LARS1: variants seen among roughly 807,000 people sequenced by gnomAD.
LARS1 encodes the protein leucyl-tRNA synthetase 1, also known as leucine--tRNA ligase, cytoplasmic.
In LARS1, 100 loss-of-function variants were observed where a neutral mutation model predicts 162.8. That is an observed-to-expected ratio of 0.61 (90% CI 0.52 to 0.73). LARS1 has a LOEUF of 0.73. Ranked by LOEUF, LARS1 falls within the 30% of genes least tolerant of loss-of-function variation. LARS1 has a pLI of 0.00. For missense variants in LARS1, 1,258 were observed against 1,408.9 expected (o/e 0.89, Z 1.71); for synonymous variants, 457 against 462.8 (o/e 0.99, Z 0.16).
intron 6 of LARS1, 101 bp downstream of exon 6, chr5:146,164,209 A>G: frequency 8.2e-7 from 1 of 1,222,042 alleles, no homozygotes; most frequent in Middle Eastern, 2.9e-4. Context: ...CAAATCTTCA[A>G]TTGTAAAAAA....
Position 146,144,635 on chromosome 5 carries a change from C to G in LARS1, c.1578G>C (p.Leu526=). 5 of 1,614,082 alleles carry G rather than the reference C, an allele frequency of 3.1e-6. No homozygotes were observed. Among genetic ancestry groups the G allele is most frequent in the Non-Finnish European group, 4.2e-6 (5 of 1,180,008 alleles). Residue 526 remains leucine, a synonymous_variant, in exon 16 of 32, where the codon CTG becomes CTC. Transcript: ENST00000394434. ...TATAAGAGACTAACCACTGGTCACA[C>G]AGAGCCACAACACATTCATCTGACG... is the stretch of plus-strand genomic sequence containing the variant. ...SRSSDECVVA[L]CDQWYLDYGE...
intron 17 of LARS1, 61 bp from the exon 18 acceptor site, chr5:146,144,410 A>C: frequency 6.3e-7 from 1 of 1,598,320 alleles, no homozygotes; most frequent in Non-Finnish European, 8.5e-7. Flanking sequence ...TTGCATTTCA[A>C]CTTTACTGTT....
rs1251961690 is a variant in LARS1, at chr5:146,114,216, T to C, written c.3421A>G (p.Ile1141Val). ...LGKEYTEKTP[I>V]SEHAVFNVDL... ...ACATTGAAAACAGCATGCTCAGAAA[T>C]GGGGGTCTTCTCGGTGTACTCCTTT... Residue 1141 changes from isoleucine to valine, a missense_variant, in exon 32 of 32, where the codon ATT (isoleucine) becomes GTT (valine). Ile to Val is a conservative substitution (Grantham distance 29). Coordinates refer to ENST00000394434, the MANE Select transcript of LARS1 (RefSeq NM_020117.11). The C allele has an allele frequency of 6.2e-7, 1 of 1,613,800 alleles. No homozygotes were observed. The highest frequency in any genetic ancestry group is 2.2e-5 in the East Asian group (1 of 44,868).
At position 146,182,581 on chromosome 5, in the gene LARS1, G is replaced by A. The variant is rs1754922406; in HGVS notation, c.-88C>T. The A allele has an allele frequency of 1.2e-5, 18 of 1,559,524 alleles. No individual in the cohort carries two copies. The highest frequency in any genetic ancestry group is 1.6e-5 in the Non-Finnish European group (18 of 1,130,446). On this transcript the variant is annotated 5_prime_UTR_variant, in exon 1 of 32. Transcript: ENST00000394434. ...GGTTACCTTTCCCCTCCCTCTCGGG[G>A]ATGCCAGGCCTCCCACGAAACTAAA...
chr5:146,181,974 T>C lies in LARS1; in HGVS notation c.6+514A>G, dbSNP rs538899738. ...TTTTATTTTTAAGACGGAGTCTCAC[T>C]CTGTCGCCCAGGCTGGAGTGCAGTG... On this transcript the variant is annotated intron_variant, in intron 1 of 31. Coordinates refer to ENST00000394434, the MANE Select transcript of LARS1 (RefSeq NM_020117.11). Among the ~76,000 whole-genome samples the C allele has an allele frequency of 3.4e-5, 5 of 148,672 alleles. No individual in the cohort carries two copies. In the South Asian group the frequency reaches 1.1e-3, roughly 33 times the overall value.
intron 1 of LARS1, among the ~76,000 whole-genome samples, chr5:146,180,698 G>GT (rs1349556037): frequency 2.0e-5 from 3 of 152,106 alleles, no homozygotes; most frequent in Non-Finnish European, 4.4e-5. Context: ...AAACCTCAAA[G>GT]ATCAAGTATA....
chr5:146,138,792 C>T, intron 21 of LARS1: 1 of 169,242 alleles, frequency 5.9e-6, no homozygotes. Flanking sequence ...CAAGATGAAA[C>T]AGAATTCTAT....
intron 15 of LARS1, among the ~76,000 whole-genome samples, chr5:146,147,882 C>G (rs1753088515): frequency 6.6e-6 from 1 of 152,108 alleles, no homozygotes; most frequent in Admixed American, 6.5e-5. Context: ...CATGAAATTT[C>G]AGGATACTGG....
At chr5:146,143,348 C>A in intron 19 of LARS1, 64 bp downstream of exon 19, 2 of 1,524,846 alleles carry the variant, frequency 1.3e-6, no homozygotes, top group South Asian at 1.3e-5. Context: ...CATTTAAATA[C>A]ATAAATCAAA....
rs759866385 is a variant in LARS1 at position 146,126,455 on chromosome 5, G to A, written c.2971C>T (p.Pro991Ser). The change falls in exon 28 of 32, where the codon CCA (proline) becomes TCA (serine). Residue 991 changes from proline to serine, a missense_variant. Physicochemically the swap from Pro to Ser is moderately conservative, Grantham distance 74. Coordinates refer to ENST00000394434, the MANE Select transcript of LARS1 (RefSeq NM_020117.11). ...ELKKYMKKVMPFVAMIKENLE... is the reference protein window; with the variant it reads ...ELKKYMKKVMSFVAMIKENLE... ...CTTACCTTAATCATGGCAACAAATG[G>A]CATGACTTTCTTCATGTATTTCTTC... The A allele has an allele frequency of 1.2e-6, 2 of 1,608,894 alleles. No individual in the cohort carries two copies. The highest frequency in any genetic ancestry group is 1.1e-5 in the South Asian group (1 of 90,926).
chr5:146,161,678 G>A (rs967045908), intron 6 of LARS1, among the ~76,000 whole-genome samples: 5 of 151,660 alleles, frequency 3.3e-5, no homozygotes, highest in East Asian at 1.9e-4. Flanking sequence ...ACTTGAACCC[G>A]GGAGGCGGAG....
chr5:146,153,844 A>G (rs1561819006), intron 11 of LARS1, 34 bp from the exon 12 acceptor site: 1 of 1,610,806 alleles, frequency 6.2e-7, no homozygotes. Context: ...AATAACTAGA[A>G]CCAAAATGTG....
At position 146,179,328 on chromosome 5, in the gene LARS1, AT is replaced by A. The variant is rs1330019908; in HGVS notation, c.7-1664del. 8.6e-3 allele frequency among the ~76,000 whole-genome samples: 1,302 copies of A among 151,988 alleles called. 22 individuals are homozygous for A. The highest frequency in any genetic ancestry group is 0.03 in the African/African-American group (1,242 of 41,488). Reference sequence around the variant, plus strand: ...AGGTGCGTGCCACCATACCTGGCTAATTTTTGTATTTTTAGTAGAGACGAGG... The same window carrying A: ...AGGTGCGTGCCACCATACCTGGCTAATTTTGTATTTTTAGTAGAGACGAGG... On this transcript the variant is annotated intron_variant, in intron 1 of 31. Transcript: ENST00000394434.
At chr5:146,129,935 C>G in intron 25 of LARS1, 83 bp downstream of exon 25, 3 of 1,393,308 alleles carry the variant, frequency 2.2e-6, no homozygotes, top group Non-Finnish European at 3.0e-6. Context: ...GACTTTCTCT[C>G]TTAAGTAACA....
intron 31 of LARS1, among the ~76,000 whole-genome samples, chr5:146,118,221 T>G (rs550581433): frequency 6.6e-6 from 1 of 152,266 alleles, no homozygotes; most frequent in East Asian, 1.9e-4. Flanking sequence ...ACAACATGGA[T>G]GAGGCTGGAA....
At chr5:146,133,737 T>C (rs2126437632) in intron 22 of LARS1, among the ~76,000 whole-genome samples, 1 of 152,026 alleles carries the variant, frequency 6.6e-6, no homozygotes, top group South Asian at 2.1e-4. Flanking sequence ...TGTAGTTATT[T>C]CCGTCTTTAG....
intron 31 of LARS1, 118 bp downstream of exon 31, chr5:146,120,253 T>A: frequency 9.1e-7 from 1 of 1,101,238 alleles, no homozygotes; most frequent in East Asian, 2.4e-5. Context: ...CCAGTACTTT[T>A]TCCATAATAA....
At chr5:146,136,433 C>T (rs116491453) in intron 21 of LARS1, among the ~76,000 whole-genome samples, 3,289 of 151,602 alleles carry the variant, frequency 0.022, 44 homozygotes, top group Middle Eastern at 0.049. Flanking sequence ...CTATTAAAAT[C>T]GCCTGTGCTT....
At chr5:146,132,812 A>T in intron 23 of LARS1, 86 bp downstream of exon 23, 1 of 1,025,948 alleles carries the variant, frequency 9.7e-7, no homozygotes, top group Non-Finnish European at 1.4e-6. Flanking sequence ...ATTAAAAAAA[A>T]AAAAGAAAAG....
Sources: gnomAD v4.1 joint callset for allele counts (sites outside exome capture counted in the v4.1 genomes callset) on GRCh38, gnomAD v4.1.1 for gene constraint, MANE v1.5 for transcripts, NCBI Gene and HGNC (gene_info 2026-07-23, HGNC 2026-07-21) for gene names.